RAP1GAP2: variants seen among roughly 807,000 people sequenced by gnomAD.
RAP1GAP2 encodes the protein RAP1 GTPase activating protein 2, also known as rap1 GTPase-activating protein 2.
RAP1GAP2 carries 27 observed loss-of-function variants against 95.0 expected under a neutral mutation model. The ratio of observed to expected loss-of-function variants is 0.28; its 90% CI spans 0.21 to 0.39. RAP1GAP2 has a LOEUF of 0.39. Among genes scored for constraint, RAP1GAP2 ranks in the 10% least tolerant of loss-of-function variants. RAP1GAP2 has a pLI of 1.00. For missense variants in RAP1GAP2, 771 were observed against 970.0 expected, an observed-to-expected ratio of 0.79 and a Z score of 2.72; for synonymous variants, 373 against 380.9, an observed-to-expected ratio of 0.98 and a Z score of 0.24.
At position 3,036,812 on chromosome 17, in the gene RAP1GAP2, C is replaced by CA. The variant is rs1471356811; in HGVS notation, c.*3453dup. On this transcript the variant is annotated 3_prime_UTR_variant, in exon 25 of 25. Coordinates refer to ENST00000254695, the MANE Select transcript of RAP1GAP2 (RefSeq NM_015085.5). ...CTCAGGCTCCCGTGACAAGGCAGGACAAGAGCCTGTTTCGCTTTCCTCCCT... is the reference window on the plus strand; with the variant it reads ...CTCAGGCTCCCGTGACAAGGCAGGACAAAGAGCCTGTTTCGCTTTCCTCCCT... 6.5e-6 allele frequency: 1 copy of CA among 152,680 alleles called. No homozygotes were observed. Among genetic ancestry groups the CA allele is most frequent in the Non-Finnish European group, 1.5e-5 (1 of 68,056 alleles). 9.5% of individuals were successfully genotyped at this position (152,680 alleles called of 1,614,324 possible).
At chr17:2,977,688 T>C (rs1393638431) in intron 8 of RAP1GAP2, among the ~76,000 whole-genome samples, 6 of 138,536 alleles carry the variant, frequency 4.3e-5, no homozygotes, top group Admixed American at 4.2e-4. Flanking sequence ...GAGGTTGCAG[T>C]GAGCCGAGAT....
chr17:2,800,484 C>A, intron 1 of RAP1GAP2, 31 bp from the exon 2 acceptor site: 1 of 1,608,002 alleles, frequency 6.2e-7, no homozygotes, highest in Non-Finnish European at 8.5e-7. Flanking sequence ...AGCCTCAGCA[C>A]TGACCGGAGC....
In RAP1GAP2 at chr17:3,004,052, C is replaced by CT. The variant is rs2046255356; in HGVS notation, c.1201-1317_1201-1316insT. Among the ~76,000 whole-genome samples, 1 of 152,170 alleles carries CT rather than the reference C, an allele frequency of 6.6e-6. No individual in the cohort carries two copies. ...GGGCAGAGCTGGGGCTGCCCTCTGG[C>CT]CTCTGTCCCAGGTGCCCACGGTCTG... On this transcript the variant is annotated intron_variant, in intron 14 of 24. Transcript: ENST00000254695. The surrounding 1 kb of genome is among the most constrained non-coding windows in gnomAD (Gnocchi z 4.1).
rs1011629691 is a variant in RAP1GAP2 at position 2,906,442 on chromosome 17, C to G, written c.165+1074C>G. Among the ~76,000 whole-genome samples, 194 of 146,600 alleles carry G rather than the reference C, an allele frequency of 1.3e-3. 2 individuals are homozygous for G. Among genetic ancestry groups the G allele is most frequent in the Non-Finnish European group, 5.7e-4 (38 of 66,242 alleles). ...TGTTGAGGGGTAGCCAGAGCCTGCC[C>G]TGGGTGGGTTAAGTGGTCAGCGGTG... is the stretch of plus-strand genomic sequence containing the variant. On this transcript the variant is annotated intron_variant, in intron 3 of 24. Coordinates refer to ENST00000254695, the MANE Select transcript of RAP1GAP2 (RefSeq NM_015085.5). The surrounding 1 kb of genome is among the most constrained non-coding windows in gnomAD (Gnocchi z 4.3).
At chr17:2,952,953 C>T (rs1355091980) in intron 3 of RAP1GAP2, among the ~76,000 whole-genome samples, 1 of 151,476 alleles carries the variant, frequency 6.6e-6, no homozygotes, top group African/African-American at 2.4e-5. Flanking sequence ...TACAGGTGTG[C>T]GCCACCACAC....
rs562187643 is a variant in RAP1GAP2 at position 2,927,369 on chromosome 17, G to A, written c.165+22001G>A. On this transcript the variant is annotated intron_variant, in intron 3 of 24. Transcript: ENST00000254695. ...GGGGTTTCACCGTGTTAGCCAGGAT[G>A]GTCTCGATCTCCTGACCTCGTGATC... Among the ~76,000 whole-genome samples the A allele has an allele frequency of 3.8e-3, 571 of 152,146 alleles. 1 individual carries two copies. The highest frequency in any genetic ancestry group is 8.5e-3 in the South Asian group (41 of 4,822).
At chr17:2,756,903 G>A (rs1258012351) in intron 1 of RAP1GAP2, among the ~76,000 whole-genome samples, 1 of 152,138 alleles carries the variant, frequency 6.6e-6, no homozygotes, top group African/African-American at 2.4e-5. Context: ...GTTTGAACCA[G>A]GTCTTGCTCA....
At chr17:2,766,654 T>A (rs2068281704) in intron 1 of RAP1GAP2, among the ~76,000 whole-genome samples, 1 of 151,810 alleles carries the variant, frequency 6.6e-6, no homozygotes. Context: ...AGTGTCTGTA[T>A]ACGAAGATGC....
chr17:2,959,385 G>T (rs1232534959), intron 4 of RAP1GAP2, among the ~76,000 whole-genome samples: 1 of 152,124 alleles, frequency 6.6e-6, no homozygotes, highest in Non-Finnish European at 1.5e-5. Context: ...GATCCCCCTG[G>T]GTAGCGTGCC....
chr17:2,918,522 T>C (rs1190303676), intron 3 of RAP1GAP2, among the ~76,000 whole-genome samples: 2 of 151,568 alleles, frequency 1.3e-5, no homozygotes, highest in African/African-American at 4.9e-5. Flanking sequence ...TGCTTGGCTG[T>C]TGGGGTGGCC....
At chr17:2,988,788 G>T (rs1280698725) in intron 11 of RAP1GAP2, among the ~76,000 whole-genome samples, 1 of 152,220 alleles carries the variant, frequency 6.6e-6, no homozygotes, top group African/African-American at 2.4e-5. Flanking sequence ...CCGGCCGGGC[G>T]CAGTGGCTCA....
At chr17:2,889,231 G>A (rs2073606641) in intron 2 of RAP1GAP2, among the ~76,000 whole-genome samples, 1 of 152,158 alleles carries the variant, frequency 6.6e-6, no homozygotes, top group South Asian at 2.1e-4. Context: ...AGGGAGATGA[G>A]GTCAACCAAA....
At position 2,994,863 on chromosome 17, in the gene RAP1GAP2, G is replaced by C. The variant is rs111977493; in HGVS notation, c.915-474G>C. Among the ~76,000 whole-genome samples the C allele has an allele frequency of 5.9e-3, 895 of 152,322 alleles. 11 individuals are homozygous for C. The highest frequency in any genetic ancestry group is 0.021 in the African/African-American group (861 of 41,566). On this transcript the variant is annotated intron_variant, in intron 12 of 24. Coordinates refer to ENST00000254695, the MANE Select transcript of RAP1GAP2 (RefSeq NM_015085.5). ...AGTCTTGCTCTTGTTGCCCAGGCTG[G>C]AGTGCAGTGGCGCCATCTCGGCTCA...
intron 1 of RAP1GAP2, among the ~76,000 whole-genome samples, chr17:2,790,991 G>T (rs1019327407): frequency 9.9e-5 from 15 of 152,244 alleles, no homozygotes; most frequent in Admixed American, 8.5e-4. Flanking sequence ...GATCTTTTGA[G>T]GTCATGAGTT....
Position 2,849,998 on chromosome 17 carries a change from G to GTTTTTTTT in RAP1GAP2, c.80+49448_80+49449insTTTTTTTT, listed in dbSNP as rs1363363543. Among the ~76,000 whole-genome samples the GTTTTTTTT allele has an allele frequency of 8.1e-5, 11 of 136,130 alleles. 3 individuals carry two copies. Among genetic ancestry groups the GTTTTTTTT allele is most frequent in the African/African-American group, 8.2e-5 (3 of 36,742 alleles). The allele number at this position is 136,130 out of a possible 152,430, so 89.3% of individuals were successfully genotyped here. A position where few individuals can be genotyped will look rare whatever the true frequency, so the allele number is the denominator to read the frequency against. On this transcript the variant is annotated intron_variant, in intron 2 of 24. Transcript: ENST00000254695. ...GTGTCACTAACACCTAACACTGCCT[G>GTTTTTTTT]CTTTTTTTTTTTTTTTTTTTGAGAT...
At chr17:2,928,138 C>G (rs530279473) in intron 3 of RAP1GAP2, among the ~76,000 whole-genome samples, 4 of 152,206 alleles carry the variant, frequency 2.6e-5, no homozygotes, top group Non-Finnish European at 4.4e-5. Context: ...TTATGTTAAG[C>G]TTTGCCCAGC....
intron 2 of RAP1GAP2, among the ~76,000 whole-genome samples, chr17:2,879,210 G>T (rs145143655): frequency 0.011 from 1,595 of 151,572 alleles, 13 homozygotes; most frequent in Non-Finnish European, 0.016. Context: ...CTGCCTCCCC[G>T]GTTCAAGTGA....
chr17:2,911,307 A>T (rs2042373826), intron 3 of RAP1GAP2, among the ~76,000 whole-genome samples: 1 of 150,876 alleles, frequency 6.6e-6, no homozygotes. Flanking sequence ...AACCAAAGAG[A>T]TGCTGACCAG....
chr17:2,984,160 C>T (rs748484214), intron 10 of RAP1GAP2, among the ~76,000 whole-genome samples: 2 of 152,006 alleles, frequency 1.3e-5, no homozygotes, highest in Admixed American at 6.6e-5. Context: ...ACCAGCCTGG[C>T]CAACATGGTG....
Sources: gnomAD v4.1 joint callset for allele counts (sites outside exome capture counted in the v4.1 genomes callset) on GRCh38, gnomAD v4.1.1 for gene constraint, Gnocchi (gnomAD v3.1) non-coding constraint, MANE v1.5 for transcripts, NCBI Gene and HGNC (gene_info 2026-07-23, HGNC 2026-07-21) for gene names.